GRM1: variants seen among roughly 807,000 people sequenced by gnomAD.
GRM1 encodes the protein metabotropic glutamate receptor 1.
GRM1 carries 33 observed loss-of-function variants against 90.9 expected under a neutral mutation model. That is an observed-to-expected ratio of 0.36 (90% CI 0.28 to 0.49). GRM1 has a LOEUF of 0.49. GRM1 is among the 20% of genes least tolerant of loss of function. The pLI is 0.99. For missense variants in GRM1, 1,190 were observed against 1,534.3 expected (o/e 0.78, Z 3.75); for synonymous variants, 700 against 613.2 (o/e 1.14, Z -2.09).
chr6:146,181,239 T>TA (rs11373832), intron 2 of GRM1, among the ~76,000 whole-genome samples: 36,288 of 145,856 alleles, frequency 0.25, 7,550 homozygotes, highest in African/African-American at 0.58. Flanking sequence ...TTGCCACCTT[T>TA]AAAAAAAAAA....
intron 2 of GRM1, among the ~76,000 whole-genome samples, chr6:146,226,960 A>G (rs1780261993): frequency 6.6e-6 from 1 of 152,148 alleles, no homozygotes; most frequent in Non-Finnish European, 1.5e-5. Flanking sequence ...ACTGTTCAGA[A>G]CTGTTCATTT....
intron 1 of GRM1, among the ~76,000 whole-genome samples, chr6:146,089,815 C>T (rs1776657959): frequency 6.6e-6 from 1 of 151,980 alleles, no homozygotes; most frequent in South Asian, 2.1e-4. Context: ...CTTTCAGTCT[C>T]AAAAGAATAA....
chr6:146,239,413 T>G (rs1473026626), intron 2 of GRM1, among the ~76,000 whole-genome samples: 1 of 152,184 alleles, frequency 6.6e-6, no homozygotes, highest in Non-Finnish European at 1.5e-5. Flanking sequence ...CCATATTACA[T>G]TATAACTATC....
chr6:146,290,249 T>C (rs1782929747), intron 2 of GRM1, among the ~76,000 whole-genome samples: 1 of 152,088 alleles, frequency 6.6e-6, no homozygotes, highest in African/African-American at 2.4e-5. Context: ...AAACCAAAAA[T>C]AGAGATCAGA....
intron 3 of GRM1, among the ~76,000 whole-genome samples, chr6:146,336,597 G>A (rs1296294063): frequency 1.3e-5 from 2 of 152,206 alleles, no homozygotes; most frequent in East Asian, 3.9e-4. Context: ...TCCATCAGCT[G>A]TGCTGTGAGT....
chr6:146,143,147 A>C (rs1227242833), intron 1 of GRM1, among the ~76,000 whole-genome samples: 1 of 152,144 alleles, frequency 6.6e-6, no homozygotes, highest in Non-Finnish European at 1.5e-5. Flanking sequence ...CCTTCAAGGC[A>C]ATGGGTTCTC....
intron 7 of GRM1, among the ~76,000 whole-genome samples, chr6:146,429,387 G>T (rs1778325610): frequency 6.6e-6 from 1 of 152,190 alleles, no homozygotes; most frequent in South Asian, 2.1e-4. Context: ...TAAATATGCA[G>T]ATTTTTCTGG....
intron 4 of GRM1, among the ~76,000 whole-genome samples, chr6:146,354,935 T>A (rs1044297919): frequency 6.6e-6 from 1 of 151,648 alleles, no homozygotes; most frequent in Admixed American, 6.6e-5. Context: ...TGGGACTTTT[T>A]AAAAAAATGT....
chr6:146,396,100 C>CTATT (rs1354035945), intron 6 of GRM1, among the ~76,000 whole-genome samples: 2 of 151,766 alleles, frequency 1.3e-5, no homozygotes, highest in African/African-American at 4.8e-5. Context: ...ATCTATCTAT[C>CTATT]TATCGTCTAT....
At position 146,260,804 on chromosome 6, in the gene GRM1, G is replaced by GTTTTTTTTTTTTTTTTTTTTTTTTT. The variant is rs56956724; in HGVS notation, c.951-43798_951-43774dup. 2.2e-4 allele frequency among the ~76,000 whole-genome samples: 5 copies of GTTTTTTTTTTTTTTTTTTTTTTTTT among 22,714 alleles called. 1 individual carries two copies. Among genetic ancestry groups the GTTTTTTTTTTTTTTTTTTTTTTTTT allele is most frequent in the African/African-American group, 6.8e-4 (4 of 5,900 alleles). 14.9% of individuals were successfully genotyped at this position (22,714 alleles called of 152,430 possible). On this transcript the variant is annotated intron_variant, in intron 2 of 7. Transcript: ENST00000282753. ...CCCATTTTTTAATTAGGTTATTTGG[G>GTTTTTTTTTTTTTTTTTTTTTTTTT]TTTTTTTTTTTTTTTTTTTTTTTTT...
At chr6:146,374,148 T>C (rs908437151) in intron 5 of GRM1, among the ~76,000 whole-genome samples, 1 of 96,528 alleles carries the variant, frequency 1.0e-5, no homozygotes, top group Non-Finnish European at 1.9e-5. Context: ...ATTCTGTTGA[T>C]ATGATGTATC....
chr6:146,089,479 G>T (rs776020469), intron 1 of GRM1, among the ~76,000 whole-genome samples: 1 of 152,074 alleles, frequency 6.6e-6, no homozygotes, highest in Non-Finnish European at 1.5e-5. Flanking sequence ...TGTGTGTGTT[G>T]CTTCAAGTCA....
chr6:146,280,703 C>T (rs545519946), intron 2 of GRM1, among the ~76,000 whole-genome samples: 1 of 152,266 alleles, frequency 6.6e-6, no homozygotes, highest in African/African-American at 2.4e-5. Flanking sequence ...ACTGCAGCCT[C>T]AAACTCGTGA....
In GRM1 at chr6:146,399,115, G is replaced by A; in HGVS notation, c.2076G>A (p.Lys692=). The A allele has an allele frequency of 1.2e-6, 2 of 1,614,104 alleles. No homozygotes were observed. The highest frequency in any genetic ancestry group is 1.1e-5 in the South Asian group (1 of 91,074). The change falls in exon 7 of 8, where the codon AAG becomes AAA. Residue 692 remains lysine (K), a synonymous_variant. Coordinates refer to ENST00000282753, the MANE Select transcript of GRM1 (RefSeq NM_001278064.2). The surrounding 1 kb of genome is among the most constrained non-coding windows in gnomAD (Gnocchi z 5.4). ...IARILAGSKK[K]ICTRKPRFMS... The stretch of plus-strand genomic sequence containing the variant: ...GCATCCTGGCTGGCAGCAAGAAGAA[G>A]ATCTGCACCCGGAAGCCCAGGTTCA...
At chr6:146,428,890 G>T (rs1262813538) in intron 7 of GRM1, among the ~76,000 whole-genome samples, 3 of 152,122 alleles carry the variant, frequency 2.0e-5, no homozygotes, top group Non-Finnish European at 4.4e-5. Context: ...GGAGAGTGGA[G>T]CCTCTACCCA....
chr6:146,412,122 C>T (rs1373021976), intron 7 of GRM1, among the ~76,000 whole-genome samples: 2 of 152,194 alleles, frequency 1.3e-5, no homozygotes, highest in East Asian at 3.9e-4. Flanking sequence ...TCTTGTCTCC[C>T]CTTACAAGTC....
intron 3 of GRM1, among the ~76,000 whole-genome samples, chr6:146,316,068 C>T (rs573223403): frequency 6.6e-6 from 1 of 152,122 alleles, no homozygotes; most frequent in South Asian, 2.1e-4. Context: ...AAGCCTATGA[C>T]GTAACCTCTA....
At chr6:146,160,864 T>C (rs1188434079) in intron 2 of GRM1, among the ~76,000 whole-genome samples, 2 of 152,296 alleles carry the variant, frequency 1.3e-5, no homozygotes, top group East Asian at 1.9e-4. Context: ...TTGTAATTCA[T>C]GATTAAGATA....
chr6:146,250,418 G>A (rs1004491327), intron 2 of GRM1, among the ~76,000 whole-genome samples: 1 of 152,174 alleles, frequency 6.6e-6, no homozygotes, highest in Non-Finnish European at 1.5e-5. Context: ...ATGATAGTGA[G>A]TGAGTTCTCA....
Sources: gnomAD v4.1 joint callset for allele counts (sites outside exome capture counted in the v4.1 genomes callset) on GRCh38, gnomAD v4.1.1 for gene constraint, Gnocchi (gnomAD v3.1) non-coding constraint, MANE v1.5 for transcripts, NCBI Gene and HGNC (gene_info 2026-07-23, HGNC 2026-07-21) for gene names.